Variants in CAMTA1 observed in about 807,000 individuals in gnomAD.
The protein encoded by CAMTA1 is calmodulin binding transcription activator 1, also known as calmodulin-binding transcription activator 1.
A neutral mutation model predicts 170.9 loss-of-function variants in CAMTA1; 27 were observed. The ratio of observed to expected loss-of-function variants is 0.16; its 90% confidence interval spans 0.12 to 0.22. The LOEUF (loss-of-function observed/expected upper bound fraction) is 0.22. Ranked by LOEUF, CAMTA1 falls within the 10% of genes least tolerant of loss-of-function variation. CAMTA1 has a pLI of 1.00. For synonymous variants in CAMTA1, 833 were observed against 891.5 expected (o/e 0.93, Z 1.17); for missense variants, 1,619 against 2,217.2 (o/e 0.73, Z 5.42).
intron 6 of CAMTA1, among the ~76,000 whole-genome samples, chr1:7,529,186 A>T (rs1387267198): frequency 6.6e-6 from 1 of 152,220 alleles, no homozygotes; most frequent in Non-Finnish European, 1.5e-5. Context: ...GAAGTCCAGG[A>T]TAGCTCTTGG....
At chr1:7,301,225 A>G (rs1574525230) in intron 5 of CAMTA1, among the ~76,000 whole-genome samples, 4 of 152,334 alleles carry the variant, frequency 2.6e-5, no homozygotes, top group Middle Eastern at 6.8e-3. Context: ...TTTTTAAATT[A>G]CGTAAATTGC....
intron 6 of CAMTA1, among the ~76,000 whole-genome samples, chr1:7,508,632 G>A (rs1021163486): frequency 6.6e-6 from 1 of 151,994 alleles, no homozygotes; most frequent in African/African-American, 2.4e-5. Flanking sequence ...TGTTGAGTCA[G>A]TGAATGAGGG....
intron 1 of CAMTA1, among the ~76,000 whole-genome samples, chr1:6,793,370 A>C (rs892572792): frequency 6.6e-6 from 1 of 152,166 alleles, no homozygotes; most frequent in African/African-American, 2.4e-5. Flanking sequence ...ACTTAAAAAC[A>C]CTTGCAAAGT....
At chr1:7,206,277 T>C (rs1224694975) in intron 4 of CAMTA1, among the ~76,000 whole-genome samples, 1 of 152,236 alleles carries the variant, frequency 6.6e-6, no homozygotes. Flanking sequence ...ATTGTGATGA[T>C]ACTGAGTTGT....
chr1:7,423,516 T>C (rs2091704335), intron 5 of CAMTA1, among the ~76,000 whole-genome samples: 1 of 150,364 alleles, frequency 6.7e-6, no homozygotes, highest in Admixed American at 6.6e-5. Flanking sequence ...TAATGCCTGC[T>C]GCCTGCCTGT....
chr1:7,122,894 T>A (rs1471842602), intron 4 of CAMTA1, among the ~76,000 whole-genome samples: 1 of 152,150 alleles, frequency 6.6e-6, no homozygotes, highest in Non-Finnish European at 1.5e-5. Flanking sequence ...TGGTCTCCCT[T>A]TTATACCCAT....
chr1:6,814,914 T>C (rs1484003310), intron 1 of CAMTA1, among the ~76,000 whole-genome samples: 1 of 152,128 alleles, frequency 6.6e-6, no homozygotes, highest in Non-Finnish European at 1.5e-5. Context: ...AACTCTAATA[T>C]ATGTATATAT....
intron 3 of CAMTA1, among the ~76,000 whole-genome samples, chr1:6,972,771 C>A (rs1355373914): frequency 6.6e-6 from 1 of 152,166 alleles, no homozygotes; most frequent in African/African-American, 2.4e-5. Flanking sequence ...GTTTCTTTTA[C>A]TATTATTATT....
At chr1:7,356,558 G>A (rs1409091646) in intron 5 of CAMTA1, among the ~76,000 whole-genome samples, 1 of 152,152 alleles carries the variant, frequency 6.6e-6, no homozygotes, top group Non-Finnish European at 1.5e-5. Context: ...ATGAGTGACT[G>A]CCACCGCCTC....
At chr1:7,168,360 T>C (rs1167682259) in intron 4 of CAMTA1, among the ~76,000 whole-genome samples, 1 of 152,234 alleles carries the variant, frequency 6.6e-6, no homozygotes, top group African/African-American at 2.4e-5. Flanking sequence ...TTAGAACTTC[T>C]GTTGTACTAG....
chr1:7,195,411 C>T lies in CAMTA1; in HGVS notation c.303-54080C>T, dbSNP rs114340218. Among the ~76,000 whole-genome samples, 931 of 152,260 alleles carry T rather than the reference C, an allele frequency of 6.1e-3. 8 individuals carry two copies. The highest frequency in any genetic ancestry group is 0.021 in the African/African-American group (864 of 41,546). ...GGAAGCACATTCAGTGCTGAGCTTC[C>T]CTGGGCTTGGTGGCCGAGTGGAGTG... is the stretch of plus-strand genomic sequence containing the variant. On this transcript the variant is annotated intron_variant, in intron 4 of 22. Coordinates refer to ENST00000303635, the MANE Select transcript of CAMTA1 (RefSeq NM_015215.4). The surrounding 1 kb of genome is among the most constrained non-coding windows in gnomAD (Gnocchi z 4.1).
intron 3 of CAMTA1, among the ~76,000 whole-genome samples, chr1:6,931,460 C>T (rs539990988): frequency 2.6e-5 from 4 of 152,186 alleles, no homozygotes; most frequent in Admixed American, 6.5e-5. Context: ...ACACACTTAC[C>T]GAGGGCTTAG....
intron 4 of CAMTA1, among the ~76,000 whole-genome samples, chr1:7,156,895 T>C (rs1646916386): frequency 1.3e-5 from 2 of 152,170 alleles, no homozygotes; most frequent in Admixed American, 1.3e-4. Context: ...CTCCTCTTAC[T>C]GTCACCAGTG....
intron 6 of CAMTA1, among the ~76,000 whole-genome samples, chr1:7,544,297 T>C (rs1435846549): frequency 1.3e-5 from 2 of 152,202 alleles, no homozygotes; most frequent in African/African-American, 2.4e-5. Context: ...GAGAACAGTA[T>C]GGGGGCAACC....
intron 4 of CAMTA1, among the ~76,000 whole-genome samples, chr1:7,122,968 T>C (rs374846850): frequency 6.6e-5 from 10 of 152,130 alleles, no homozygotes; most frequent in African/African-American, 2.4e-4. Context: ...CATGTCACAT[T>C]CCTGTCGAAG....
intron 3 of CAMTA1, among the ~76,000 whole-genome samples, chr1:7,023,131 G>A (rs1468181309): frequency 3.3e-5 from 5 of 152,178 alleles, no homozygotes; most frequent in African/African-American, 7.2e-5. Flanking sequence ...CCCCCAAGCC[G>A]TAGCTTCTAA....
chr1:7,430,280 G>A (rs189396563), intron 5 of CAMTA1, among the ~76,000 whole-genome samples: 10 of 151,964 alleles, frequency 6.6e-5, no homozygotes, highest in Middle Eastern at 3.4e-3. Context: ...TGATGATGAC[G>A]AGGATGATGG....
chr1:7,531,384 G>A (rs972410642), intron 6 of CAMTA1, among the ~76,000 whole-genome samples: 1 of 152,190 alleles, frequency 6.6e-6, no homozygotes, highest in African/African-American at 2.4e-5. Flanking sequence ...ACTCGCTGGG[G>A]GTTCCATGAG....
At chr1:7,019,158 A>G (rs1409132069) in intron 3 of CAMTA1, among the ~76,000 whole-genome samples, 1 of 152,144 alleles carries the variant, frequency 6.6e-6, no homozygotes. Flanking sequence ...TGCTTCTCAC[A>G]GCTTCTTTAA....
Sources: allele counts gnomAD v4.1 joint callset (sites outside exome capture counted in the v4.1 genomes callset), GRCh38; gene constraint gnomAD v4.1.1; non-coding constraint Gnocchi (gnomAD v3.1); transcripts MANE v1.5; gene names NCBI Gene and HGNC (gene_info 2026-07-23, HGNC 2026-07-21).